Variants in GTF2E2 observed in about 807,000 individuals in gnomAD.
GTF2E2 encodes the protein general transcription factor IIE subunit 2.
GTF2E2 carries 21 observed loss-of-function variants against 40.5 expected under a neutral mutation model. The ratio of observed to expected loss-of-function variants is 0.52; its 90% CI spans 0.37 to 0.75. The LOEUF is 0.75. Ranked by LOEUF, GTF2E2 falls within the 30% of genes least tolerant of loss-of-function variation. The pLI is 0.00. For missense variants in GTF2E2, 298 were observed against 338.4 expected (o/e 0.88, Z 0.94); for synonymous variants, 117 against 121.6 (o/e 0.96, Z 0.25).
chr8:30,617,102 A>C (rs979922144), intron 3 of GTF2E2, among the ~76,000 whole-genome samples: 6 of 152,146 alleles, frequency 3.9e-5, no homozygotes, highest in Admixed American at 2.0e-4. Context: ...TATCCAAAAC[A>C]AAAATAACTC....
chr8:30,589,395 A>G (rs1409851267), intron 6 of GTF2E2, among the ~76,000 whole-genome samples: 2 of 152,162 alleles, frequency 1.3e-5, no homozygotes, highest in African/African-American at 2.4e-5. Context: ...ATCTCTACCA[A>G]AATTTTTAAA....
At chr8:30,604,064 G>T (rs1260660171) in intron 6 of GTF2E2, among the ~76,000 whole-genome samples, 1 of 152,100 alleles carries the variant, frequency 6.6e-6, no homozygotes, top group Non-Finnish European at 1.5e-5. Context: ...ACATTCATGG[G>T]TATATGCCTT....
chr8:30,588,611 G>T (rs1828750876), intron 6 of GTF2E2, among the ~76,000 whole-genome samples: 1 of 152,312 alleles, frequency 6.6e-6, no homozygotes, highest in South Asian at 2.1e-4. Context: ...AAGGAATCTT[G>T]AAAGGCAGGT....
In GTF2E2 at chr8:30,607,020, ATAC is replaced by A. The variant is rs1452319161; in HGVS notation, c.643+34_643+36del. 4.0e-6 allele frequency: 3 copies of A among 746,900 alleles called. No homozygotes were observed. The East Asian group carries it at 8.2e-5, about 20-fold the overall frequency. The allele number at this position is 746,900 out of a possible 1,614,324, so 46.3% of individuals were successfully genotyped here. ...AATTTTACCACCCTAAAATTGTAATATACTTGCAAACTAAAGTATAATACAGAA... is the reference window on the plus strand; with the variant it reads ...AATTTTACCACCCTAAAATTGTAATATTGCAAACTAAAGTATAATACAGAA... On this transcript the variant is annotated intron_variant, in intron 6 of 7. Coordinates refer to ENST00000355904, the MANE Select transcript of GTF2E2 (RefSeq NM_002095.6).
chr8:30,599,589 A>AC (rs1379202190), intron 6 of GTF2E2, among the ~76,000 whole-genome samples: 2 of 132,726 alleles, frequency 1.5e-5, no homozygotes, highest in Non-Finnish European at 3.2e-5. Flanking sequence ...ACAAAAAAAA[A>AC]AAAAAAACTT....
intron 6 of GTF2E2, among the ~76,000 whole-genome samples, chr8:30,603,287 A>T (rs1489805510): frequency 6.6e-6 from 1 of 152,210 alleles, no homozygotes; most frequent in African/African-American, 2.4e-5. Context: ...AAATTATACC[A>T]TTTCCAAGTA....
chr8:30,650,075 G>C (rs1202510458), intron 2 of GTF2E2, among the ~76,000 whole-genome samples: 1 of 152,102 alleles, frequency 6.6e-6, no homozygotes, highest in East Asian at 1.9e-4. Context: ...TGAAAAGGGA[G>C]CACTTCACAA....
chr8:30,628,334 T>C (rs1485849946), intron 3 of GTF2E2, among the ~76,000 whole-genome samples: 1 of 151,866 alleles, frequency 6.6e-6, no homozygotes, highest in Non-Finnish European at 1.5e-5. Flanking sequence ...TCCTGGGGAG[T>C]AGGGAGCAAC....
At chr8:30,591,374 C>T (rs1365674666) in intron 6 of GTF2E2, among the ~76,000 whole-genome samples, 3 of 152,060 alleles carry the variant, frequency 2.0e-5, no homozygotes, top group African/African-American at 7.3e-5. Flanking sequence ...GCCCTAGCTA[C>T]TCAGGAGGCT....
At chr8:30,591,097 G>A (rs1325764623) in intron 6 of GTF2E2, among the ~76,000 whole-genome samples, 2 of 152,172 alleles carry the variant, frequency 1.3e-5, no homozygotes, top group Admixed American at 6.5e-5. Context: ...CAATGGCCTT[G>A]TATCCAGAAT....
intron 3 of GTF2E2, among the ~76,000 whole-genome samples, chr8:30,619,497 T>TACAGTGGCACGATCTCGGCTCACTGCAA: frequency 6.6e-6 from 1 of 151,044 alleles, no homozygotes; most frequent in African/African-American, 2.5e-5. Flanking sequence ...CAAGCAATTC[T>TACAGTGGCACGATCTCGGCTCACTGCAA]CCTGCTTCAG....
chr8:30,596,320 A>G (rs952980940), intron 6 of GTF2E2, among the ~76,000 whole-genome samples: 1 of 151,884 alleles, frequency 6.6e-6, no homozygotes, highest in African/African-American at 2.4e-5. Context: ...TCTCTGCCCT[A>G]TTTTTTTCAC....
chr8:30,589,194 T>A (rs1306040114), intron 6 of GTF2E2, among the ~76,000 whole-genome samples: 1 of 152,022 alleles, frequency 6.6e-6, no homozygotes, highest in Non-Finnish European at 1.5e-5. Context: ...GAAGCAGAGG[T>A]TGCAGTAACC....
At chr8:30,642,132 T>C (rs1027544825) in intron 2 of GTF2E2, among the ~76,000 whole-genome samples, 1 of 152,182 alleles carries the variant, frequency 6.6e-6, no homozygotes, top group Non-Finnish European at 1.5e-5. Context: ...GTAAGTTTAT[T>C]AAGAAAGCAA....
chr8:30,627,218 A>G (rs554518708), intron 3 of GTF2E2, among the ~76,000 whole-genome samples: 5 of 152,348 alleles, frequency 3.3e-5, no homozygotes, highest in Admixed American at 2.0e-4. Context: ...ATCCAGGCTG[A>G]CAAACCAACA....
intron 6 of GTF2E2, among the ~76,000 whole-genome samples, chr8:30,588,021 G>A (rs967138824): frequency 6.6e-6 from 1 of 152,098 alleles, no homozygotes; most frequent in Non-Finnish European, 1.5e-5. Context: ...AGTACAATGA[G>A]CCATCACTTC....
At chr8:30,641,561 C>G (rs1366621937) in intron 2 of GTF2E2, among the ~76,000 whole-genome samples, 1 of 152,082 alleles carries the variant, frequency 6.6e-6, no homozygotes, top group Non-Finnish European at 1.5e-5. Flanking sequence ...GGCCTCCCCA[C>G]ATTGCCCAGG....
intron 3 of GTF2E2, among the ~76,000 whole-genome samples, chr8:30,626,077 G>A (rs1260370521): frequency 6.6e-6 from 1 of 152,026 alleles, no homozygotes; most frequent in Non-Finnish European, 1.5e-5. Flanking sequence ...AAACTCTACT[G>A]GTATAACAGA....
intron 6 of GTF2E2, among the ~76,000 whole-genome samples, chr8:30,581,152 A>G (rs947294535): frequency 1.2e-4 from 19 of 152,234 alleles, no homozygotes; most frequent in African/African-American, 3.4e-4. Flanking sequence ...CTACTTTCAG[A>G]CACAAAATCC....
Sources: gnomAD v4.1 joint callset for allele counts (sites outside exome capture counted in the v4.1 genomes callset) on GRCh38, gnomAD v4.1.1 for gene constraint, MANE v1.5 for transcripts, NCBI Gene and HGNC (gene_info 2026-07-23, HGNC 2026-07-21) for gene names.